The following BEND7 variants were observed in gnomAD, a reference collection of about 807,000 sequenced individuals.
The protein encoded by BEND7 is BEN domain containing 7.
In BEND7, 28 loss-of-function variants were observed where a neutral mutation model predicts 50.9. The observed-to-expected ratio is 0.55, with a 90% confidence interval of 0.41 to 0.75. The LOEUF (loss-of-function observed/expected upper bound fraction) is 0.75. Among genes scored for constraint, BEND7 ranks in the 30% least tolerant of loss-of-function variants. The pLI is 0.00. For missense variants in BEND7, 477 were observed against 491.3 expected (o/e 0.97, Z 0.28); for synonymous variants, 170 against 183.9 (o/e 0.92, Z 0.61).
chr10:13,483,195 A>G (rs2075989882), intron 5 of BEND7, among the ~76,000 whole-genome samples: 1 of 152,168 alleles, frequency 6.6e-6, no homozygotes, highest in African/African-American at 2.4e-5. Context: ...TGATTCTGAT[A>G]CCATTAAACA....
At chr10:13,446,097 A>G (rs924152782) in intron 8 of BEND7, 1 of 152,202 alleles carries the variant, frequency 6.6e-6, no homozygotes, top group African/African-American at 2.4e-5. Context: ...GAAGAACAGA[A>G]ATCTCTTTTA....
intron 6 of BEND7, among the ~76,000 whole-genome samples, chr10:13,463,383 G>C (rs571841797): frequency 6.6e-6 from 1 of 152,260 alleles, no homozygotes; most frequent in South Asian, 2.1e-4. Context: ...AAGATCTTAA[G>C]AATTATTACA....
At chr10:13,507,456 G>C (rs1304067001) in intron 2 of BEND7, among the ~76,000 whole-genome samples, 5 of 152,134 alleles carry the variant, frequency 3.3e-5, no homozygotes, top group African/African-American at 1.2e-4. Context: ...TTTGTCCTAT[G>C]TTAAAGAGGC....
At chr10:13,493,107 AAT>A (rs1303576455) in intron 4 of BEND7, among the ~76,000 whole-genome samples, 8 of 152,228 alleles carry the variant, frequency 5.3e-5, no homozygotes, top group Non-Finnish European at 1.2e-4. Context: ...ACTGCAGGTG[AAT>A]CGTGACAGCA....
chr10:13,496,534 G>A (rs1023228330), intron 4 of BEND7, among the ~76,000 whole-genome samples: 1 of 152,132 alleles, frequency 6.6e-6, no homozygotes, highest in Non-Finnish European at 1.5e-5. Flanking sequence ...GAAGTCTATC[G>A]AGTACATACA....
At chr10:13,486,881 T>C (rs1397770050) in intron 5 of BEND7, among the ~76,000 whole-genome samples, 1 of 152,188 alleles carries the variant, frequency 6.6e-6, no homozygotes, top group Non-Finnish European at 1.5e-5. Context: ...TGAGCCAAAA[T>C]GTACAATATG....
At chr10:13,504,589 C>A (rs1054700507) in intron 2 of BEND7, among the ~76,000 whole-genome samples, 2 of 152,168 alleles carry the variant, frequency 1.3e-5, no homozygotes, top group Non-Finnish European at 2.9e-5. Flanking sequence ...TATCATTAGT[C>A]AATGACTTCT....
chr10:13,513,016 C>T (rs191788939), intron 2 of BEND7, among the ~76,000 whole-genome samples: 301 of 152,298 alleles, frequency 2.0e-3, no homozygotes, highest in Non-Finnish European at 2.7e-3. Context: ...TGACCTAGAA[C>T]GCACATACAG....
downstream of BEND7, chr10:13,439,271 C>T: frequency 1.2e-6 from 2 of 1,614,108 alleles, no homozygotes; most frequent in Non-Finnish European, 1.7e-6. Flanking sequence ...TAGCTGAGAC[C>T]TGAGTTATGA....
At chr10:13,510,472 T>A (rs891102330) in intron 2 of BEND7, among the ~76,000 whole-genome samples, 2 of 152,166 alleles carry the variant, frequency 1.3e-5, no homozygotes, top group African/African-American at 4.8e-5. Flanking sequence ...ACGGCATCAT[T>A]TTACAAGGGA....
chr10:13,451,700 G>A (rs1837752762), intron 7 of BEND7, among the ~76,000 whole-genome samples: 1 of 151,732 alleles, frequency 6.6e-6, no homozygotes, highest in Non-Finnish European at 1.5e-5. Context: ...ATGTTGGTGT[G>A]CTGCACCCAT....
chr10:13,520,216 G>A (rs1034483236), intron 2 of BEND7, among the ~76,000 whole-genome samples: 10 of 152,084 alleles, frequency 6.6e-5, no homozygotes, highest in Admixed American at 1.3e-4. Flanking sequence ...TCTCAGAGCT[G>A]GTCTCAGTGT....
intron 1 of BEND7, among the ~76,000 whole-genome samples, chr10:13,526,505 C>T (rs899023938): frequency 1.3e-5 from 2 of 152,080 alleles, no homozygotes; most frequent in Non-Finnish European, 2.9e-5. Context: ...AATTTTTAGG[C>T]TTTTTTTCTT....
chr10:13,513,140 T>TG (rs1336629065), intron 2 of BEND7, among the ~76,000 whole-genome samples: 47 of 152,380 alleles, frequency 3.1e-4, no homozygotes, highest in African/African-American at 1.1e-3. Context: ...TTCTTCTTAT[T>TG]GCTATTGTTA....
intron 2 of BEND7, among the ~76,000 whole-genome samples, chr10:13,523,567 T>C (rs901666932): frequency 1.3e-5 from 2 of 152,190 alleles, no homozygotes; most frequent in Non-Finnish European, 2.9e-5. Context: ...AGTACTTTGT[T>C]ATAGGGGAAA....
At chr10:13,498,065 CTTTT>C (rs2077150622) in intron 3 of BEND7, among the ~76,000 whole-genome samples, 1 of 130,088 alleles carries the variant, frequency 7.7e-6, no homozygotes, top group Non-Finnish European at 1.6e-5. Context: ...TAATATATTT[CTTTT>C]TCTTTTTTTT....
At chr10:13,508,788 TCTTCC>T (rs2078074936) in intron 2 of BEND7, among the ~76,000 whole-genome samples, 2 of 152,204 alleles carry the variant, frequency 1.3e-5, no homozygotes, top group Admixed American at 1.3e-4. Context: ...ATACACAGTC[TCTTCC>T]CTTCAGGAGT....
At chr10:13,457,842 T>A (rs1296576199) in intron 6 of BEND7, among the ~76,000 whole-genome samples, 1 of 152,236 alleles carries the variant, frequency 6.6e-6, no homozygotes, top group South Asian at 2.1e-4. Context: ...ATGCACTGAG[T>A]TTTCTACTAT....
At chr10:13,498,076 T>C (rs1025801695) in intron 3 of BEND7, among the ~76,000 whole-genome samples, 236 of 91,366 alleles carry the variant, frequency 2.6e-3, no homozygotes, top group African/African-American at 6.9e-3. Flanking sequence ...TTTTTCTTTT[T>C]TTTTTTTTTT....
Sources: allele counts gnomAD v4.1 joint callset (sites outside exome capture counted in the v4.1 genomes callset), GRCh38; gene constraint gnomAD v4.1.1; transcripts MANE v1.5; gene names NCBI Gene and HGNC (gene_info 2026-07-23, HGNC 2026-07-21).